Variants in HOOK3 observed in about 807,000 individuals in gnomAD.
HOOK3 encodes the protein hook microtubule tethering protein 3.
In HOOK3, 24 loss-of-function variants were observed where a neutral mutation model predicts 116.3. That is an observed-to-expected ratio of 0.21 (90% CI 0.15 to 0.29). The LOEUF is 0.29. Ranked by LOEUF, HOOK3 falls within the 10% of genes least tolerant of loss-of-function variation. HOOK3 has a pLI of 1.00. For missense variants in HOOK3, 632 were observed against 830.2 expected (o/e 0.76, Z 2.93); for synonymous variants, 275 against 283.0 (o/e 0.97, Z 0.28).
At chr8:42,952,876 G>C (rs1312958392) in intron 6 of HOOK3, among the ~76,000 whole-genome samples, 1 of 152,124 alleles carries the variant, frequency 6.6e-6, no homozygotes, top group Non-Finnish European at 1.5e-5. Flanking sequence ...GTCCTGGGTT[G>C]GTGTGGAGGC....
At position 42,932,127 on chromosome 8, in the gene HOOK3, A is replaced by G. The variant is rs190290041; in HGVS notation, c.267+1955A>G. On this transcript the variant is annotated intron_variant, in intron 4 of 21. Transcript: ENST00000307602. ...ACATCCCAGCCATCAGGACAGTGCT[A>G]TTACACTGCAGGCACTCAGAGTTTC... Among the ~76,000 whole-genome samples the G allele has an allele frequency of 1.1e-4, 17 of 152,310 alleles. No individual in the cohort carries two copies. In the East Asian group the frequency reaches 2.3e-3, roughly 21 times the overall value.
chr8:42,960,223 A>C (rs184290121), intron 8 of HOOK3, among the ~76,000 whole-genome samples: 20 of 152,366 alleles, frequency 1.3e-4, no homozygotes, highest in Non-Finnish European at 2.5e-4. Context: ...TTACAAATAC[A>C]ATTTTATCAT....
chr8:42,923,184 G>A (rs550246361), intron 2 of HOOK3, among the ~76,000 whole-genome samples: 28 of 152,190 alleles, frequency 1.8e-4, no homozygotes, highest in Admixed American at 3.3e-4. Flanking sequence ...CACTAGGAGG[G>A]CTATAACTAA....
chr8:43,013,299 A>G lies in HOOK3; in HGVS notation c.1945-30A>G, dbSNP rs769219401. ...ATATTGAGTTATTTTATATCTTTAC[A>G]TATTTACATGTGCTTTTTTTTTTTT... On this transcript the variant is annotated intron_variant, in intron 20 of 21. Transcript: ENST00000307602. The G allele has an allele frequency of 1.3e-5, 19 of 1,486,102 alleles. No homozygotes were observed. The South Asian group carries it at 1.7e-4, about 13-fold the overall frequency. 92.1% of individuals were successfully genotyped at this position (1,486,102 alleles called of 1,614,324 possible).
chr8:42,923,947 A>G (rs562026276), intron 2 of HOOK3, among the ~76,000 whole-genome samples: 1 of 152,312 alleles, frequency 6.6e-6, no homozygotes, highest in African/African-American at 2.4e-5. Context: ...AAAAAAATAT[A>G]CTTACTACCT....
intron 7 of HOOK3, 89 bp downstream of exon 7, chr8:42,957,245 T>A (rs895174786): frequency 9.4e-6 from 6 of 635,426 alleles, no homozygotes; most frequent in Middle Eastern, 3.3e-4. Context: ...AAAATTGCTT[T>A]TTATTATATT....
At chr8:42,974,045 G>A in intron 12 of HOOK3, 62 bp from the exon 13 acceptor site, 1 of 1,122,842 alleles carries the variant, frequency 8.9e-7, no homozygotes, top group Middle Eastern at 2.0e-4. Context: ...TAAGGCAGAG[G>A]CCACTGATGA....
At position 42,991,248 on chromosome 8, in the gene HOOK3, G is replaced by T. The variant is rs72647251; in HGVS notation, c.1532+4453G>T. On this transcript the variant is annotated intron_variant, in intron 15 of 21. Coordinates refer to ENST00000307602, the MANE Select transcript of HOOK3 (RefSeq NM_032410.4). ...TGATTCCTCTAGTTTTGTTCTTTTT[G>T]CTTAGAATAGCTTTGGTTATTCTGG... Among the ~76,000 whole-genome samples, 1,232 of 152,082 alleles carry T rather than the reference G, an allele frequency of 8.1e-3. 9 individuals carry two copies. The highest frequency in any genetic ancestry group is 0.011 in the Non-Finnish European group (745 of 67,978).
intron 17 of HOOK3, 87 bp from the exon 18 acceptor site, chr8:43,007,760 A>G: frequency 1.5e-6 from 1 of 687,808 alleles, no homozygotes; most frequent in Non-Finnish European, 2.4e-6. Context: ...TGCAAGTGTA[A>G]TCCAAATATA....
rs532929923 is a variant in HOOK3, at chr8:42,939,329, G to A, written c.268-3984G>A. ...GCGCCCCTCACCTCCCGGACGGGGCGGCTGGTCGGGCGGGGGGCTGACCTT... is the reference window on the plus strand; with the variant it reads ...GCGCCCCTCACCTCCCGGACGGGGCAGCTGGTCGGGCGGGGGGCTGACCTT... On this transcript the variant is annotated intron_variant, in intron 4 of 21. Transcript: ENST00000307602. Among the ~76,000 whole-genome samples, 135 of 151,698 alleles carry A rather than the reference G, an allele frequency of 8.9e-4. 1 individual carries two copies. In the South Asian group the frequency reaches 0.011, roughly 12 times the overall value.
chr8:42,900,666 A>G (rs1023297813), intron 1 of HOOK3, among the ~76,000 whole-genome samples: 2 of 152,276 alleles, frequency 1.3e-5, no homozygotes, highest in Non-Finnish European at 2.9e-5. Flanking sequence ...AAAAGATAGT[A>G]TAGCATAAGA....
chr8:42,943,915 G>A (rs1808175627), intron 5 of HOOK3, among the ~76,000 whole-genome samples: 1 of 152,146 alleles, frequency 6.6e-6, no homozygotes, highest in Non-Finnish European at 1.5e-5. Flanking sequence ...AGAGAGGGAA[G>A]AGTATCATTA....
intron 2 of HOOK3, among the ~76,000 whole-genome samples, chr8:42,917,863 T>C (rs756800139): frequency 6.6e-6 from 1 of 152,222 alleles, no homozygotes; most frequent in Non-Finnish European, 1.5e-5. Flanking sequence ...GGGCTTAGTG[T>C]AAATTCATTA....
chr8:42,946,333 A>G (rs2130389933), intron 5 of HOOK3, among the ~76,000 whole-genome samples: 1 of 152,290 alleles, frequency 6.6e-6, no homozygotes, highest in Non-Finnish European at 1.5e-5. Flanking sequence ...ATGGGTTAAG[A>G]GTAATGTAAA....
In HOOK3 at chr8:43,022,656, G is replaced by T. The variant is rs1019196692; in HGVS notation, c.*4158G>T. The T allele has an allele frequency of 5.5e-5, 10 of 182,992 alleles. No homozygotes were observed. The highest frequency in any genetic ancestry group is 2.1e-4 in the African/African-American group (9 of 42,496). The allele number at this position is 182,992 out of a possible 1,614,324, so 11.3% of individuals were successfully genotyped here. ...GTATACAATTGTACATATTTTTAAAGAACTTTGAAAAACTCCGTCATATCT... is the reference window on the plus strand; with the variant it reads ...GTATACAATTGTACATATTTTTAAATAACTTTGAAAAACTCCGTCATATCT... On this transcript the variant is annotated 3_prime_UTR_variant, in exon 22 of 22. Transcript: ENST00000307602.
intron 2 of HOOK3, among the ~76,000 whole-genome samples, chr8:42,920,208 A>G (rs1410298102): frequency 3.9e-5 from 6 of 152,180 alleles, no homozygotes; most frequent in Non-Finnish European, 2.9e-5. Flanking sequence ...ACCACTTGTT[A>G]TTTACATATC....
intron 21 of HOOK3, among the ~76,000 whole-genome samples, chr8:43,015,698 G>A (rs1176265513): frequency 6.6e-6 from 1 of 152,048 alleles, no homozygotes; most frequent in Non-Finnish European, 1.5e-5. Context: ...CTGCATTTCA[G>A]GCCTTATTAA....
In HOOK3 at chr8:42,937,898, A is replaced by G. The variant is rs1287345462; in HGVS notation, c.268-5415A>G. On this transcript the variant is annotated intron_variant, in intron 4 of 21. Coordinates refer to ENST00000307602, the MANE Select transcript of HOOK3 (RefSeq NM_032410.4). ...GGGGTGGAGAGTTCTGTAGATGTCT[A>G]TTAGGTCTGCTTGGTCCAGAGCTGA... is the stretch of plus-strand genomic sequence containing the variant. 2.6e-4 allele frequency among the ~76,000 whole-genome samples: 39 copies of G among 152,278 alleles called. No homozygotes were observed. The East Asian group carries it at 7.5e-3, about 29-fold the overall frequency.
chr8:43,022,101 A>AC lies in HOOK3; in HGVS notation c.*3603_*3604insC, dbSNP rs1809841385. ...AGGCTGTTGTAAAAAAAAAAAAAAAAAAAACTTCTGAATATACTTTAGGTA... is the reference window on the plus strand; with the variant it reads ...AGGCTGTTGTAAAAAAAAAAAAAAAACAAAACTTCTGAATATACTTTAGGTA... On this transcript the variant is annotated 3_prime_UTR_variant, in exon 22 of 22. Coordinates refer to ENST00000307602, the MANE Select transcript of HOOK3 (RefSeq NM_032410.4). 5.0e-6 allele frequency: 1 copy of AC among 201,868 alleles called. No individual in the cohort carries two copies. The highest frequency in any genetic ancestry group is 7.7e-5 in the East Asian group (1 of 13,050). The allele number at this position is 201,868 out of a possible 1,614,324, so 12.5% of individuals were successfully genotyped here.
Sources: gnomAD v4.1 joint callset for allele counts (sites outside exome capture counted in the v4.1 genomes callset) on GRCh38, gnomAD v4.1.1 for gene constraint, MANE v1.5 for transcripts, NCBI Gene and HGNC (gene_info 2026-07-23, HGNC 2026-07-21) for gene names.